Variants in GALNTL6 observed in about 807,000 individuals in gnomAD.
GALNTL6 encodes the protein polypeptide N-acetylgalactosaminyltransferase like 6.
A neutral mutation model predicts 73.7 loss-of-function variants in GALNTL6; 46 were observed. That is an observed-to-expected ratio of 0.62 (90% CI 0.49 to 0.80). GALNTL6 has a LOEUF of 0.80. GALNTL6 is among the 30% of genes least tolerant of loss of function. The pLI, the probability that GALNTL6 is intolerant of heterozygous loss-of-function variation, is 0.00. For synonymous variants in GALNTL6, 259 were observed against 263.7 expected (o/e 0.98, Z 0.17); for missense variants, 604 against 755.0 (o/e 0.80, Z 2.34).
chr4:172,449,936 C>G (rs1732151332), intron 5 of GALNTL6, among the ~76,000 whole-genome samples: 1 of 152,110 alleles, frequency 6.6e-6, no homozygotes. Context: ...CTGCCTCCCC[C>G]TGTTGGGTGC....
chr4:172,480,889 G>A (rs1018086776), intron 5 of GALNTL6, among the ~76,000 whole-genome samples: 3 of 152,016 alleles, frequency 2.0e-5, no homozygotes, highest in South Asian at 2.1e-4. Flanking sequence ...CCTAGGAAGG[G>A]GTGCATGAAA....
Position 171,902,616 on chromosome 4 carries a change from G to C in GALNTL6, c.138+87898G>C, listed in dbSNP as rs74910702. On this transcript the variant is annotated intron_variant, in intron 2 of 12. Transcript: ENST00000506823. ...GCCAGTACAGCAAGGGAGTAGAGAA[G>C]TTATCAGTGAGAGGGTAGGGAGGCT... 1.7e-3 allele frequency among the ~76,000 whole-genome samples: 262 copies of C among 152,292 alleles called. 1 individual carries two copies. Among genetic ancestry groups the C allele is most frequent in the African/African-American group, 5.8e-3 (241 of 41,562 alleles).
At chr4:172,218,066 G>C (rs961429579) in intron 2 of GALNTL6, among the ~76,000 whole-genome samples, 5 of 152,016 alleles carry the variant, frequency 3.3e-5, no homozygotes, top group African/African-American at 1.2e-4. Context: ...GGAAGGGATG[G>C]GGGAGGGGAG....
intron 5 of GALNTL6, among the ~76,000 whole-genome samples, chr4:172,755,091 C>G (rs1737668886): frequency 6.6e-6 from 1 of 152,062 alleles, no homozygotes; most frequent in Non-Finnish European, 1.5e-5. Flanking sequence ...TTTATTCCAT[C>G]AGGTTAACTT....
chr4:172,480,884 G>A (rs1033127523), intron 5 of GALNTL6, among the ~76,000 whole-genome samples: 32 of 152,142 alleles, frequency 2.1e-4, no homozygotes, highest in African/African-American at 7.7e-4. Flanking sequence ...ACTAGCCTAG[G>A]AAGGGGTGCA....
chr4:172,329,064 C>A (rs575664319), intron 4 of GALNTL6, among the ~76,000 whole-genome samples: 66 of 152,276 alleles, frequency 4.3e-4, no homozygotes, highest in African/African-American at 1.5e-3. Flanking sequence ...TCAGGTCAGG[C>A]AGCCCTGCCC....
intron 2 of GALNTL6, among the ~76,000 whole-genome samples, chr4:172,204,365 A>G (rs1035560331): frequency 1.3e-5 from 2 of 152,198 alleles, no homozygotes; most frequent in African/African-American, 4.8e-5. Flanking sequence ...GTATGAACAC[A>G]TTGATGCAAC....
chr4:172,737,762 A>G (rs906471693), intron 5 of GALNTL6, among the ~76,000 whole-genome samples: 2 of 152,106 alleles, frequency 1.3e-5, no homozygotes, highest in African/African-American at 4.8e-5. Context: ...TTTTTATTGA[A>G]TACATTTGCT....
chr4:173,036,104 T>C (rs1223561490), intron 12 of GALNTL6, among the ~76,000 whole-genome samples: 1 of 152,164 alleles, frequency 6.6e-6, no homozygotes, highest in Non-Finnish European at 1.5e-5. Flanking sequence ...AAACAAGTTG[T>C]CCAAGATTAC....
At chr4:172,083,705 A>G (rs910040587) in intron 2 of GALNTL6, among the ~76,000 whole-genome samples, 5 of 152,048 alleles carry the variant, frequency 3.3e-5, no homozygotes, top group Non-Finnish European at 7.4e-5. Flanking sequence ...TTCATCCTCT[A>G]TGCCACATAT....
intron 5 of GALNTL6, among the ~76,000 whole-genome samples, chr4:172,711,207 T>A (rs1734682145): frequency 6.6e-6 from 1 of 152,136 alleles, no homozygotes; most frequent in Non-Finnish European, 1.5e-5. Flanking sequence ...CTAATTGTTG[T>A]ATGGTTGTGA....
intron 2 of GALNTL6, among the ~76,000 whole-genome samples, chr4:172,133,896 A>G (rs967888308): frequency 2.2e-4 from 34 of 152,250 alleles, no homozygotes; most frequent in Middle Eastern, 6.3e-3. Context: ...CTCTACTAGC[A>G]GATGCAGATT....
chr4:171,988,080 T>C (rs190681056), intron 2 of GALNTL6, among the ~76,000 whole-genome samples: 2 of 152,150 alleles, frequency 1.3e-5, no homozygotes, highest in African/African-American at 4.8e-5. Flanking sequence ...TCGTGATTTT[T>C]AGGGCCTCTA....
chr4:172,480,940 G>A (rs950485510), intron 5 of GALNTL6, among the ~76,000 whole-genome samples: 7 of 152,154 alleles, frequency 4.6e-5, no homozygotes, highest in Admixed American at 2.0e-4. Context: ...CTGGACTCTC[G>A]GAAGTGGCAA....
At chr4:172,758,045 T>G (rs1032780506) in intron 5 of GALNTL6, among the ~76,000 whole-genome samples, 2 of 152,112 alleles carry the variant, frequency 1.3e-5, no homozygotes, top group African/African-American at 4.8e-5. Flanking sequence ...CACTGCAGTT[T>G]TTTCCCTCTC....
chr4:172,241,342 A>C (rs1344039797), intron 3 of GALNTL6, among the ~76,000 whole-genome samples: 25 of 152,208 alleles, frequency 1.6e-4, no homozygotes, highest in Admixed American at 1.6e-3. Flanking sequence ...AATAAGAAAA[A>C]TATATTATTT....
chr4:172,419,038 T>C (rs73871726), intron 5 of GALNTL6, among the ~76,000 whole-genome samples: 2,584 of 152,258 alleles, frequency 0.017, 68 homozygotes, highest in African/African-American at 0.054. Context: ...TTTTATCCCT[T>C]GAGAACTTTG....
Position 172,697,462 on chromosome 4 carries a change from G to A in GALNTL6, c.554-111899G>A, listed in dbSNP as rs565951968. On this transcript the variant is annotated intron_variant, in intron 5 of 12. Transcript: ENST00000506823. ...CTGGAGAGCAGTTGAGTATGTTAAAGTAAGACAATTTGTGTACAAAATAAG... is the reference window on the plus strand; with the variant it reads ...CTGGAGAGCAGTTGAGTATGTTAAAATAAGACAATTTGTGTACAAAATAAG... 2.2e-4 allele frequency among the ~76,000 whole-genome samples: 33 copies of A among 152,320 alleles called. 1 individual carries two copies. Among genetic ancestry groups the A allele is most frequent in the African/African-American group, 7.9e-4 (33 of 41,568 alleles).
In GALNTL6 at chr4:173,019,904, G is replaced by A. The variant is rs187997420; in HGVS notation, c.1489-1572G>A. 4.6e-5 allele frequency among the ~76,000 whole-genome samples: 7 copies of A among 152,276 alleles called. No homozygotes were observed. The East Asian group carries it at 1.3e-3, about 29-fold the overall frequency. ...AGGTTCTCTACATTTCCTTTCCTAG[G>A]TGGAACCTAACAGCTGAAATATACT... On this transcript the variant is annotated intron_variant, in intron 11 of 12. Transcript: ENST00000506823.
Sources: allele counts gnomAD v4.1 joint callset (sites outside exome capture counted in the v4.1 genomes callset), GRCh38; gene constraint gnomAD v4.1.1; transcripts MANE v1.5; gene names NCBI Gene and HGNC (gene_info 2026-07-23, HGNC 2026-07-21).